Variants in ADARB2 observed in about 807,000 individuals in gnomAD.
ADARB2 encodes inactive double-stranded RNA-specific editase B2.
A neutral mutation model predicts 62.2 loss-of-function variants in ADARB2; 25 were observed. The ratio of observed to expected loss-of-function variants is 0.40; its 90% CI spans 0.29 to 0.56. The LOEUF (loss-of-function observed/expected upper bound fraction) is 0.56, where lower values mean the gene tolerates loss of function less well. ADARB2 is among the 20% of genes least tolerant of loss of function. The pLI, the probability that ADARB2 is intolerant of heterozygous loss-of-function variation, is 0.43. For missense variants in ADARB2, 1,071 were observed against 1,077.4 expected (o/e 0.99, Z 0.08); for synonymous variants, 572 against 500.8 (o/e 1.14, Z -1.90).
intron 3 of ADARB2, among the ~76,000 whole-genome samples, chr10:1,352,295 C>T (rs1832151311): frequency 6.6e-6 from 1 of 152,174 alleles, no homozygotes; most frequent in Non-Finnish European, 1.5e-5. Context: ...ACTTTAGATA[C>T]CTGGTTTTGC....
At chr10:1,303,417 G>A (rs1831593978) in intron 3 of ADARB2, among the ~76,000 whole-genome samples, 1 of 151,982 alleles carries the variant, frequency 6.6e-6, no homozygotes, top group South Asian at 2.1e-4. Context: ...GTACCTGAAA[G>A]TGATGGGGAG....
At chr10:1,194,246 A>G (rs1486613775) in intron 8 of ADARB2, among the ~76,000 whole-genome samples, 1 of 152,232 alleles carries the variant, frequency 6.6e-6, no homozygotes, top group Admixed American at 6.5e-5. Flanking sequence ...AGAGCAGGTT[A>G]TGCTCTGCAA....
chr10:1,422,120 T>A (rs551935275), intron 1 of ADARB2, among the ~76,000 whole-genome samples: 79 of 152,292 alleles, frequency 5.2e-4, no homozygotes, highest in African/African-American at 1.7e-3. Flanking sequence ...CAGACTTGGC[T>A]CTTAACTTCC....
At chr10:1,337,809 C>A (rs1831988023) in intron 3 of ADARB2, among the ~76,000 whole-genome samples, 1 of 152,210 alleles carries the variant, frequency 6.6e-6, no homozygotes, top group South Asian at 2.1e-4. Flanking sequence ...GTCATAAAAT[C>A]TTTAAGATAT....
intron 1 of ADARB2, among the ~76,000 whole-genome samples, chr10:1,437,231 T>TAC (rs1432466265): frequency 2.6e-4 from 38 of 146,168 alleles, no homozygotes; most frequent in South Asian, 4.4e-4. Flanking sequence ...TATATATATA[T>TAC]ACACACACAC....
intron 7 of ADARB2, among the ~76,000 whole-genome samples, chr10:1,209,470 CACCCAT>C (rs1468683606): frequency 4.8e-5 from 7 of 146,428 alleles, no homozygotes; most frequent in African/African-American, 1.5e-4. Flanking sequence ...CCATCACCCA[CACCCAT>C]GCCCATGCCT....
intron 1 of ADARB2, 77 bp downstream of exon 1, chr10:1,736,974 G>T: frequency 1.4e-6 from 2 of 1,455,410 alleles, no homozygotes; most frequent in Non-Finnish European, 1.9e-6. Context: ...GGACAAGCCC[G>T]GAGACCCCAT....
intron 3 of ADARB2, among the ~76,000 whole-genome samples, chr10:1,288,469 A>G (rs1050122736): frequency 2.6e-5 from 4 of 152,218 alleles, no homozygotes; most frequent in African/African-American, 9.6e-5. Context: ...GTCCTGTTTT[A>G]CAGATGAACA....
intron 1 of ADARB2, among the ~76,000 whole-genome samples, chr10:1,437,251 TACAC>T (rs944676391): frequency 0.079 from 209 of 2,662 alleles, no homozygotes; most frequent in African/African-American, 0.1. Flanking sequence ...CACATATATA[TACAC>T]ACACACACAC....
At chr10:1,384,461 G>C (rs1832509322) in intron 1 of ADARB2, among the ~76,000 whole-genome samples, 1 of 152,216 alleles carries the variant, frequency 6.6e-6, no homozygotes, top group African/African-American at 2.4e-5. Flanking sequence ...GGAAGGCTTT[G>C]CTGGCCGTGA....
intron 1 of ADARB2, among the ~76,000 whole-genome samples, chr10:1,518,917 C>G (rs1472223986): frequency 2.0e-5 from 3 of 151,522 alleles, no homozygotes; most frequent in African/African-American, 7.3e-5. Flanking sequence ...TGCATGTATT[C>G]CATGTAACAT....
chr10:1,186,323 C>T (rs1836758548), intron 8 of ADARB2, among the ~76,000 whole-genome samples: 1 of 152,210 alleles, frequency 6.6e-6, no homozygotes, highest in South Asian at 2.1e-4. Context: ...GCTGTTTGGC[C>T]CTGTCTCTGC....
At chr10:1,702,747 C>T (rs1177998059) in intron 1 of ADARB2, among the ~76,000 whole-genome samples, 1 of 152,224 alleles carries the variant, frequency 6.6e-6, no homozygotes, top group Non-Finnish European at 1.5e-5. Flanking sequence ...TGGCAGTGCT[C>T]TCGCTGATTT....
intron 3 of ADARB2, among the ~76,000 whole-genome samples, chr10:1,325,341 G>A (rs1177255229): frequency 1.3e-5 from 2 of 152,096 alleles, no homozygotes; most frequent in East Asian, 1.9e-4. Flanking sequence ...CTTTGCTTCC[G>A]CTCCTGCACC....
At chr10:1,427,357 T>C (rs981993975) in intron 1 of ADARB2, among the ~76,000 whole-genome samples, 1 of 152,142 alleles carries the variant, frequency 6.6e-6, no homozygotes, top group Non-Finnish European at 1.5e-5. Flanking sequence ...TAAAAAAATA[T>C]AAAGAACTCT....
At chr10:1,621,680 C>T (rs1833705553) in intron 1 of ADARB2, among the ~76,000 whole-genome samples, 1 of 152,166 alleles carries the variant, frequency 6.6e-6, no homozygotes, top group Admixed American at 6.5e-5. Flanking sequence ...GTACTGAAAA[C>T]TACAAAACAT....
chr10:1,683,883 A>G (rs1405161873), intron 1 of ADARB2, among the ~76,000 whole-genome samples: 1 of 152,198 alleles, frequency 6.6e-6, no homozygotes, highest in East Asian at 1.9e-4. Context: ...GACTCTGTAA[A>G]CGGAGCCTCC....
intron 3 of ADARB2, among the ~76,000 whole-genome samples, chr10:1,277,961 CTCT>C (rs1564244546): frequency 2.8e-4 from 22 of 79,432 alleles, no homozygotes; most frequent in African/African-American, 5.7e-4. Context: ...TCCCCTCTTT[CTCT>C]CTCTCTTTCT....
At chr10:1,277,916 G>T (rs1831333545) in intron 3 of ADARB2, among the ~76,000 whole-genome samples, 1 of 151,908 alleles carries the variant, frequency 6.6e-6, no homozygotes, top group South Asian at 2.1e-4. Flanking sequence ...GTGATCAAGT[G>T]GGCTTCTTTC....
Sources: allele counts gnomAD v4.1 joint callset (sites outside exome capture counted in the v4.1 genomes callset), GRCh38; gene constraint gnomAD v4.1.1; transcripts MANE v1.5; gene names NCBI Gene and HGNC (gene_info 2026-07-23, HGNC 2026-07-21).